Variants in QTMAN observed in about 807,000 individuals in gnomAD.
QTMAN encodes tRNA-queuosine alpha-mannosyltransferase.
chr2:144,235,943 A>G, the QTMAN span, among the ~76,000 whole-genome samples: 1 of 151,390 alleles, frequency 6.6e-6, no homozygotes, highest in Non-Finnish European at 1.5e-5. Context: ...CTCTCCAGAG[A>G]TTTTCCAAAT....
chr2:144,092,872 T>G, the QTMAN span, among the ~76,000 whole-genome samples: 38 of 117,364 alleles, frequency 3.2e-4, no homozygotes, highest in South Asian at 6.0e-4. Context: ...ACTTTTGGGG[T>G]GTGTGTGTGT....
the QTMAN span, among the ~76,000 whole-genome samples, chr2:144,067,817 C>T: frequency 6.6e-6 from 1 of 152,174 alleles, no homozygotes; most frequent in Non-Finnish European, 1.5e-5. Context: ...AAGCACATGC[C>T]ACACGTTAGT....
the QTMAN span, among the ~76,000 whole-genome samples, chr2:144,123,023 T>C: frequency 6.6e-6 from 1 of 152,124 alleles, no homozygotes; most frequent in Non-Finnish European, 1.5e-5. Context: ...AAGACAAATA[T>C]GACCTGCATA....
the QTMAN span, among the ~76,000 whole-genome samples, chr2:144,087,695 A>G: frequency 1.6e-4 from 24 of 152,108 alleles, 1 homozygote; most frequent in Non-Finnish European, 2.9e-5. Context: ...ACAACAACAA[A>G]AAACTATATA....
the QTMAN span, among the ~76,000 whole-genome samples, chr2:144,276,472 G>C: frequency 2.0e-5 from 3 of 152,094 alleles, no homozygotes; most frequent in African/African-American, 7.2e-5. Flanking sequence ...TTACAGGCAT[G>C]AGCCACCATA....
the QTMAN span, among the ~76,000 whole-genome samples, chr2:144,173,177 G>T: frequency 6.6e-6 from 1 of 152,026 alleles, no homozygotes; most frequent in African/African-American, 2.4e-5. Context: ...AAATCCAGCT[G>T]TTTTTAAGAT....
the QTMAN span, among the ~76,000 whole-genome samples, chr2:144,231,477 T>C: frequency 6.6e-6 from 1 of 152,090 alleles, no homozygotes; most frequent in African/African-American, 2.4e-5. Flanking sequence ...CTATATTATA[T>C]TCCTAAAAAA....
At chr2:144,033,990 G>A in the QTMAN span, among the ~76,000 whole-genome samples, 1 of 152,204 alleles carries the variant, frequency 6.6e-6, no homozygotes, top group Non-Finnish European at 1.5e-5. Flanking sequence ...TGTGGGTGCA[G>A]AATAAAGCTG....
At chr2:144,239,534 C>G in the QTMAN span, among the ~76,000 whole-genome samples, 6 of 152,278 alleles carry the variant, frequency 3.9e-5, no homozygotes, top group African/African-American at 1.4e-4. Context: ...TCCTTCCTCC[C>G]TGCTAAAGCT....
At chr2:144,124,205 G>T in the QTMAN span, among the ~76,000 whole-genome samples, 24 of 152,206 alleles carry the variant, frequency 1.6e-4, no homozygotes, top group Admixed American at 1.4e-3. Flanking sequence ...TAAGAAGCAA[G>T]TGCCATACCA....
At chr2:144,191,985 T>C in the QTMAN span, among the ~76,000 whole-genome samples, 1 of 152,192 alleles carries the variant, frequency 6.6e-6, no homozygotes, top group Non-Finnish European at 1.5e-5. Context: ...TATTCAAAAC[T>C]GTTTGCTAGT....
the QTMAN span, among the ~76,000 whole-genome samples, chr2:143,975,439 ACT>A: frequency 6.6e-6 from 1 of 152,044 alleles, no homozygotes; most frequent in Non-Finnish European, 1.5e-5. Flanking sequence ...GGAGCATGTC[ACT>A]CTGGCCTGAG....
the QTMAN span, among the ~76,000 whole-genome samples, chr2:143,965,958 T>G: frequency 3.4e-4 from 52 of 152,356 alleles, no homozygotes; most frequent in African/African-American, 1.2e-3. Flanking sequence ...AATGAAATAG[T>G]TGTCCCTTAT....
At chr2:144,135,886 A>G in the QTMAN span, among the ~76,000 whole-genome samples, 4 of 152,218 alleles carry the variant, frequency 2.6e-5, no homozygotes, top group African/African-American at 9.6e-5. Context: ...TTTCTTCAAC[A>G]AGAAATGTCT....
chr2:144,096,039 C>G, the QTMAN span, among the ~76,000 whole-genome samples: 1 of 152,180 alleles, frequency 6.6e-6, no homozygotes, highest in Non-Finnish European at 1.5e-5. Context: ...GAACAAGATA[C>G]TCTCTAAAAC....
At chr2:144,324,785 G>C in the QTMAN span, among the ~76,000 whole-genome samples, 1 of 148,728 alleles carries the variant, frequency 6.7e-6, no homozygotes, top group Non-Finnish European at 1.5e-5. Flanking sequence ...TTTGAGTAAA[G>C]AAAAAAGTAA....
the QTMAN span, among the ~76,000 whole-genome samples, chr2:144,332,172 T>A: frequency 3.0e-4 from 1 of 3,294 alleles, no homozygotes; most frequent in Admixed American, 3.1e-3. Flanking sequence ...AGGCACAAAA[T>A]GCCACGGCGT....
At chr2:144,284,671 CATTT>C in the QTMAN span, among the ~76,000 whole-genome samples, 2 of 152,056 alleles carry the variant, frequency 1.3e-5, no homozygotes, top group Non-Finnish European at 1.5e-5. Context: ...GGTATTAAGG[CATTT>C]ATTAAAGTAC....
the QTMAN span, among the ~76,000 whole-genome samples, chr2:143,996,403 C>T: frequency 1.3e-5 from 2 of 152,096 alleles, no homozygotes; most frequent in Non-Finnish European, 2.9e-5. Context: ...AAAATGTGGT[C>T]TGTGTTCCTA....
Sources: allele counts gnomAD v4.1 joint callset (sites outside exome capture counted in the v4.1 genomes callset), GRCh38; gene constraint gnomAD v4.1.1; transcripts MANE v1.5; gene names NCBI Gene and HGNC (gene_info 2026-07-23, HGNC 2026-07-21).